The following PKHD1 variants were observed in gnomAD, a reference collection of about 807,000 sequenced individuals.
PKHD1 encodes fibrocystin.
Under a neutral mutation model 412.0 loss-of-function variants are expected in PKHD1, and 291 were observed. The ratio of observed to expected loss-of-function variants is 0.71; its 90% confidence interval spans 0.64 to 0.78. PKHD1 has a LOEUF of 0.78. Among genes scored for constraint, PKHD1 ranks in the 30% least tolerant of loss-of-function variants. The pLI is 0.00. For missense variants in PKHD1, 4,825 were observed against 4,950.7 expected (o/e 0.97, Z 0.76); for synonymous variants, 1,777 against 1,821.5 (o/e 0.98, Z 0.62).
intron 36 of PKHD1, among the ~76,000 whole-genome samples, chr6:51,950,024 C>T (rs1268144065): frequency 6.6e-6 from 1 of 151,544 alleles, no homozygotes; most frequent in Non-Finnish European, 1.5e-5. Context: ...CAATACTTGC[C>T]AGAATCACTT....
At chr6:51,730,795 A>C (rs1254269647) in intron 60 of PKHD1, among the ~76,000 whole-genome samples, 3 of 152,250 alleles carry the variant, frequency 2.0e-5, no homozygotes, top group Non-Finnish European at 4.4e-5. Context: ...ATTCCCTTCC[A>C]TTAAAATGTG....
chr6:51,939,842 G>A (rs1788184776), intron 36 of PKHD1, among the ~76,000 whole-genome samples: 1 of 151,180 alleles, frequency 6.6e-6, no homozygotes, highest in Non-Finnish European at 1.5e-5. Flanking sequence ...GCCAGGCCCA[G>A]CCAGGTCCCA....
chr6:51,699,704 T>C (rs1312806411), intron 60 of PKHD1, among the ~76,000 whole-genome samples: 1 of 152,090 alleles, frequency 6.6e-6, no homozygotes, highest in Non-Finnish European at 1.5e-5. Flanking sequence ...TTCTCTAAAA[T>C]TGGGTTATAT....
At position 51,871,924 on chromosome 6, in the gene PKHD1, G is replaced by A. The variant is rs566038084; in HGVS notation, c.7351-1285C>T. On this transcript the variant is annotated intron_variant, in intron 46 of 66. Coordinates refer to ENST00000371117, the MANE Select transcript of PKHD1 (RefSeq NM_138694.4). ...GGACACAAAGCTAGTCTAGAAATCA[G>A]AAGAAAACAAAAACTATAATTAATG... Among the ~76,000 whole-genome samples, 35 of 129,388 alleles carry A rather than the reference G, an allele frequency of 2.7e-4. 11 individuals carry two copies. The highest frequency in any genetic ancestry group is 4.5e-4 in the Admixed American group (6 of 13,348). 84.9% of individuals were successfully genotyped at this position (129,388 alleles called of 152,430 possible). A position where few individuals can be genotyped will look rare whatever the true frequency, so the allele number is the denominator to read the frequency against.
Position 51,678,985 on chromosome 6 carries a change from C to T in PKHD1, c.10157-19016G>A, listed in dbSNP as rs377313443. On this transcript the variant is annotated intron_variant, in intron 60 of 66. Coordinates refer to ENST00000371117, the MANE Select transcript of PKHD1 (RefSeq NM_138694.4). ...ATAAACTTATCACCTCTCCAGCCCT[C>T]AGTTTGAAGCTGCAGCAGTAATTTC... Among the ~76,000 whole-genome samples the T allele has an allele frequency of 3.3e-5, 5 of 152,204 alleles. No individual in the cohort carries two copies. The East Asian group carries it at 9.7e-4, about 29-fold the overall frequency.
intron 35 of PKHD1, among the ~76,000 whole-genome samples, chr6:51,999,294 C>T (rs556737496): frequency 6.6e-6 from 1 of 152,302 alleles, no homozygotes; most frequent in Non-Finnish European, 1.5e-5. Flanking sequence ...CCTCCCAATG[C>T]TCCTGCCTCT....
At position 52,025,300 on chromosome 6, in the gene PKHD1, T is replaced by A. The variant is rs748949643; in HGVS notation, c.4510A>T (p.Ile1504Phe). Residue 1504 changes from isoleucine (I) to phenylalanine (F), a missense_variant, in exon 32 of 67, where the codon ATT (isoleucine) becomes TTT (phenylalanine). Physicochemically the swap from Ile to Phe is conservative, Grantham distance 21. Transcript: ENST00000371117. ...GTGGTGGCTAACCTCTGACCCCTAA[T>A]CAGCACAGTGGTCAGAGACCCACTG... ...NTSGSLTTVL[I>F]RGQRLATTAD... is the part of the protein sequence containing the mutation. The A allele has an allele frequency of 4.3e-6, 7 of 1,613,904 alleles. No individual in the cohort carries two copies. The highest frequency in any genetic ancestry group is 5.9e-6 in the Non-Finnish European group (7 of 1,180,024).
At chr6:51,665,894 C>T (rs1773675830) in intron 60 of PKHD1, among the ~76,000 whole-genome samples, 1 of 152,100 alleles carries the variant, frequency 6.6e-6, no homozygotes, top group African/African-American at 2.4e-5. Flanking sequence ...AAGACTTCAT[C>T]TCCCTTGAAG....
intron 49 of PKHD1, among the ~76,000 whole-genome samples, chr6:51,854,473 T>G (rs1386678847): frequency 2.0e-5 from 3 of 152,096 alleles, no homozygotes; most frequent in African/African-American, 7.2e-5. Flanking sequence ...TGTGTTTCAC[T>G]GGGGGGAAAC....
intron 35 of PKHD1, among the ~76,000 whole-genome samples, chr6:51,993,428 G>T (rs1476846878): frequency 2.0e-5 from 3 of 152,340 alleles, no homozygotes; most frequent in Admixed American, 2.0e-4. Context: ...TTATTTCCAT[G>T]GAGCACCATG....
chr6:51,771,394 G>C lies in PKHD1; in HGVS notation c.8642+1308C>G, dbSNP rs1357494528. Among the ~76,000 whole-genome samples, 6 of 152,158 alleles carry C rather than the reference G, an allele frequency of 3.9e-5. No individual in the cohort carries two copies. In the East Asian group the frequency reaches 7.8e-4, roughly 20 times the overall value. On this transcript the variant is annotated intron_variant, in intron 55 of 66. Transcript: ENST00000371117. ...CCCAGGCCTTTGGGAGGCCAAGACG[G>C]GTGGATCACCTGAGGTCAGGAGTTC...
chr6:52,045,948 T>G (rs1055487516), intron 24 of PKHD1, 56 bp downstream of exon 24: 41 of 1,190,270 alleles, frequency 3.4e-5, no homozygotes, highest in Non-Finnish European at 6.3e-6. Context: ...TTTTTTTTTT[T>G]GCAGAATTTC....
chr6:51,659,038 A>G lies in PKHD1; in HGVS notation c.11088T>C (p.Ala3696=). The G allele has an allele frequency of 6.2e-7, 1 of 1,612,814 alleles. No homozygotes were observed. The highest frequency in any genetic ancestry group is 8.5e-7 in the Non-Finnish European group (1 of 1,178,952). Reference sequence around the variant, plus strand: ...CATTCTCTAGTACCCCAGTCTGTTGAGCAGTGATGACTCGATGAGCCAAAT... The same window carrying G: ...CATTCTCTAGTACCCCAGTCTGTTGGGCAGTGATGACTCGATGAGCCAAAT... ...LQNLAHRVIT[A]QQTGVLENVL... The change falls in exon 61 of 67, where the codon GCT becomes GCC. Residue 3696 remains alanine (A), a synonymous_variant. Coordinates refer to ENST00000371117, the MANE Select transcript of PKHD1 (RefSeq NM_138694.4).
rs201210830 is a variant in PKHD1, at chr6:51,619,200, G to A, written c.12106C>T (p.Arg4036Trp). The A allele has an allele frequency of 9.5e-5, 154 of 1,614,124 alleles. No individual in the cohort carries two copies. In the East Asian group the frequency reaches 2.3e-3, roughly 24 times the overall value. The change falls in exon 67 of 67, where the codon CGG becomes TGG. Residue 4036 changes from arginine to tryptophan, a missense_variant. Physicochemically the swap from Arg to Trp is moderately radical, Grantham distance 101. Coordinates refer to ENST00000371117, the MANE Select transcript of PKHD1 (RefSeq NM_138694.4). ...AAGCTGCCACTTTGCTTACTCAGCC[G>A]ACTTTGCCCTGGCAACTGCTGCCTC... is the stretch of plus-strand genomic sequence containing the variant. ...QERQQLPGQS[R>W]LSKQSGSLGL...
chr6:51,699,253 C>T (rs973435542), intron 60 of PKHD1, among the ~76,000 whole-genome samples: 1 of 152,198 alleles, frequency 6.6e-6, no homozygotes, highest in African/African-American at 2.4e-5. Flanking sequence ...CCTCACCACA[C>T]CCATATCTCT....
intron 34 of PKHD1, among the ~76,000 whole-genome samples, chr6:52,015,535 C>CCGGCCAAAAGAAAACTG (rs1268687768): frequency 6.6e-6 from 1 of 152,084 alleles, no homozygotes; most frequent in East Asian, 1.9e-4. Flanking sequence ...GAAAACATAC[C>CCGGCCAAAAGAAAACTG]CACTTTTGGC....
chr6:51,700,624 A>AT (rs1358559693), intron 60 of PKHD1, among the ~76,000 whole-genome samples: 1 of 152,044 alleles, frequency 6.6e-6, no homozygotes, highest in African/African-American at 2.4e-5. Flanking sequence ...CATTTGGGTC[A>AT]TCCAGAAGAG....
At chr6:51,797,147 G>A (rs549204695) in intron 52 of PKHD1, among the ~76,000 whole-genome samples, 4 of 152,220 alleles carry the variant, frequency 2.6e-5, no homozygotes, top group South Asian at 2.1e-4. Context: ...GTTCTAATTT[G>A]ATTGTGCTGT....
intron 2 of PKHD1, among the ~76,000 whole-genome samples, chr6:52,083,625 G>A (rs1354702852): frequency 6.6e-6 from 1 of 152,118 alleles, no homozygotes; most frequent in Non-Finnish European, 1.5e-5. Flanking sequence ...AACCCATACT[G>A]TCTCTCTCTG....
Sources: gnomAD v4.1 joint callset for allele counts (sites outside exome capture counted in the v4.1 genomes callset) on GRCh38, gnomAD v4.1.1 for gene constraint, MANE v1.5 for transcripts, NCBI Gene and HGNC (gene_info 2026-07-23, HGNC 2026-07-21) for gene names.